The following ALDH1A3 variants were observed in gnomAD, a reference collection of about 807,000 sequenced individuals.
The protein encoded by ALDH1A3 is retinaldehyde dehydrogenase 3.
Under a neutral mutation model 57.5 loss-of-function variants are expected in ALDH1A3, and 28 were observed. The ratio of observed to expected loss-of-function variants is 0.49; its 90% CI spans 0.36 to 0.67. ALDH1A3 has a LOEUF of 0.67. Among genes scored for constraint, ALDH1A3 ranks in the 30% least tolerant of loss-of-function variants. The pLI is 0.00. For missense variants in ALDH1A3, 507 were observed against 669.4 expected, an observed-to-expected ratio of 0.76 and a Z score of 2.68; for synonymous variants, 281 against 264.8, an observed-to-expected ratio of 1.06 and a Z score of -0.59.
At chr15:100,900,273 T>C (rs1420733121) in intron 8 of ALDH1A3, among the ~76,000 whole-genome samples, 2 of 152,210 alleles carry the variant, frequency 1.3e-5, no homozygotes, top group Non-Finnish European at 2.9e-5. Context: ...GGGAGTCCTC[T>C]AGAAAAAGGC....
At position 100,914,684 on chromosome 15, in the gene ALDH1A3, C is replaced by T. The variant is rs767351308; in HGVS notation, c.1467-17C>T. Reference sequence around the variant, plus strand: ...GGATGTACCCATTTTGAATTTTCCTCTTTTCTGTGATCACAGAGGTGAATA... The same window carrying T: ...GGATGTACCCATTTTGAATTTTCCTTTTTTCTGTGATCACAGAGGTGAATA... On this transcript the variant is annotated splice_polypyrimidine_tract_variant and intron_variant, in intron 12 of 12. Coordinates refer to ENST00000329841, the MANE Select transcript of ALDH1A3 (RefSeq NM_000693.4). 2 of 1,613,124 alleles carry T rather than the reference C, an allele frequency of 1.2e-6. No homozygotes were observed. Among genetic ancestry groups the T allele is most frequent in the Non-Finnish European group, 1.7e-6 (2 of 1,179,454 alleles).
Position 100,885,307 on chromosome 15 carries a change from A to G in ALDH1A3, c.140A>G (p.Lys47Arg). The G allele has an allele frequency of 1.9e-6, 3 of 1,614,112 alleles. No homozygotes were observed. The change falls in exon 2 of 13, where the codon AAA (lysine) becomes AGA (arginine). Residue 47 changes from lysine (K) to arginine (R), a missense_variant. This residue lies in a region of ALDH1A3 where 432 missense variants were observed against 608.4 expected (regional missense o/e 0.71). Coordinates refer to ENST00000329841, the MANE Select transcript of ALDH1A3 (RefSeq NM_000693.4). Reference protein sequence around the residue: ...NNEWHESKSGKKFATCNPSTR... With the variant: ...NNEWHESKSGRKFATCNPSTR... ...GAATGGCACGAATCCAAGAGTGGGA[A>G]AAAGTTTGCTACATGTAACCCTTCA...
At chr15:100,883,053 G>T (rs1271536715) in intron 1 of ALDH1A3, among the ~76,000 whole-genome samples, 1 of 151,870 alleles carries the variant, frequency 6.6e-6, no homozygotes, top group Non-Finnish European at 1.5e-5. Context: ...AATTTTTTTT[G>T]GAGGAGCATG....
At chr15:100,914,413 A>G (rs1226616451) in intron 12 of ALDH1A3, 1 of 248,546 alleles carries the variant, frequency 4.0e-6, no homozygotes, top group Non-Finnish European at 7.7e-6. Context: ...TCACCTCTTT[A>G]CTTTTTTTAA....
At chr15:100,890,619 A>T (rs571203719) in intron 3 of ALDH1A3, among the ~76,000 whole-genome samples, 147 of 152,276 alleles carry the variant, frequency 9.7e-4, no homozygotes, top group African/African-American at 3.4e-3. Flanking sequence ...CAGAGATGAG[A>T]AACTGAGGCC....
chr15:100,882,449 C>T (rs983141816), intron 1 of ALDH1A3, among the ~76,000 whole-genome samples: 2 of 152,144 alleles, frequency 1.3e-5, no homozygotes, highest in Non-Finnish European at 2.9e-5. Context: ...TTTAAAACAC[C>T]GGTTTTTATT....
chr15:100,880,332 C>G (rs977517430), intron 1 of ALDH1A3: 4 of 371,864 alleles, frequency 1.1e-5, no homozygotes, highest in African/African-American at 8.4e-5. Context: ...AGTGGAGGTG[C>G]GCGCCGCGTT....
At position 100,885,301 on chromosome 15, in the gene ALDH1A3, G is replaced by T. The variant is rs1385170528; in HGVS notation, c.134G>T (p.Ser45Ile). The change falls in exon 2 of 13, where the codon AGT becomes ATT. Residue 45 changes from serine (S) to isoleucine (I), a missense_variant. Ser to Ile is a moderately radical substitution (Grantham distance 142). Coordinates refer to ENST00000329841, the MANE Select transcript of ALDH1A3 (RefSeq NM_000693.4). Reference sequence around the variant, plus strand: ...AACAATGAATGGCACGAATCCAAGAGTGGGAAAAAGTTTGCTACATGTAAC... The same window carrying T: ...AACAATGAATGGCACGAATCCAAGATTGGGAAAAAGTTTGCTACATGTAAC... ...FINNEWHESK[S>I]GKKFATCNPS... 2 of 1,613,870 alleles carry T rather than the reference G, an allele frequency of 1.2e-6. No individual in the cohort carries two copies. The highest frequency in any genetic ancestry group is 1.7e-6 in the Non-Finnish European group (2 of 1,179,842).
intron 8 of ALDH1A3, among the ~76,000 whole-genome samples, chr15:100,898,632 T>C (rs896483226): frequency 5.3e-5 from 8 of 151,976 alleles, no homozygotes; most frequent in African/African-American, 1.9e-4. Context: ...CCCTGAAGAG[T>C]GGAGGTGCTC....
chr15:100,905,052 G>A (rs1443646637), intron 9 of ALDH1A3, among the ~76,000 whole-genome samples: 1 of 152,170 alleles, frequency 6.6e-6, no homozygotes, highest in Non-Finnish European at 1.5e-5. Flanking sequence ...AACAGTAAAT[G>A]CACTTTTAGC....
In ALDH1A3 at chr15:100,905,667, A is replaced by T; in HGVS notation, c.1213A>T (p.Met405Leu). Residue 405 changes from methionine (M) to leucine (L), a missense_variant, in exon 10 of 13, where the codon ATG becomes TTG. Around this residue, in one of 2 missense-constraint regions of ALDH1A3, gnomAD observed 432 missense variants for 608.4 expected, o/e 0.71. Transcript: ENST00000329841. ...PTVFSEVTDN[M>L]RIAKEEIFGP... ...TGTCTTCTCAGAAGTCACAGACAAC[A>T]TGCGGATTGCCAAAGAGGAGGTACA... The T allele has an allele frequency of 6.3e-7, 1 of 1,590,496 alleles. No individual in the cohort carries two copies. Among genetic ancestry groups the T allele is most frequent in the Non-Finnish European group, 8.6e-7 (1 of 1,167,910 alleles).
In ALDH1A3 at chr15:100,889,991, G is replaced by A. The variant is rs1281143918; in HGVS notation, c.345+2279G>A. ...CTTGCCGGCTCAGTGGTTTGACAGA[G>A]CTGGGTGTTTATTTCTGTGCTCAGT... On this transcript the variant is annotated intron_variant, in intron 3 of 12. Coordinates refer to ENST00000329841, the MANE Select transcript of ALDH1A3 (RefSeq NM_000693.4). This position sits in a 1 kb window ranked among gnomAD's most constrained non-coding sequence, Gnocchi z 5.1. Among the ~76,000 whole-genome samples the A allele has an allele frequency of 6.6e-6, 1 of 152,206 alleles. No homozygotes were observed. Among genetic ancestry groups the A allele is most frequent in the Non-Finnish European group, 1.5e-5 (1 of 68,038 alleles).
In ALDH1A3 at chr15:100,899,875, T is replaced by C. The variant is rs147822153; in HGVS notation, c.884-700T>C. Among the ~76,000 whole-genome samples the C allele has an allele frequency of 3.5e-3, 528 of 152,306 alleles. 6 individuals are homozygous for C. Among genetic ancestry groups the C allele is most frequent in the African/African-American group, 0.012 (495 of 41,556 alleles). On this transcript the variant is annotated intron_variant, in intron 8 of 12. Transcript: ENST00000329841. Reference sequence around the variant, plus strand: ...TGCCCAGAGCCACTGCCAGCCTCTATGCAAAGGAAAGCTGCATTTCTTAAG... The same window carrying C: ...TGCCCAGAGCCACTGCCAGCCTCTACGCAAAGGAAAGCTGCATTTCTTAAG...
chr15:100,894,078 A>T lies in ALDH1A3; in HGVS notation c.662A>T (p.Lys221Ile). 6.2e-7 allele frequency: 1 copy of T among 1,613,968 alleles called. No homozygotes were observed. Among genetic ancestry groups the T allele is most frequent in the Non-Finnish European group, 8.5e-7 (1 of 1,179,956 alleles). The change falls in exon 6 of 13, where the codon AAA becomes ATA. Residue 221 changes from lysine (K) to isoleucine (I), a missense_variant. Transcript: ENST00000329841. This position sits in a 1 kb window ranked among gnomAD's most constrained non-coding sequence, Gnocchi z 4.5. ...GCCCTTTATCTCGGCTCTCTGATCA[A>T]AGAGGTGAGACATCCAAAAAGAAAA... is the stretch of plus-strand genomic sequence containing the variant. The part of the protein sequence containing the change: ...LTALYLGSLI[K>I]EAGFPPGVVN...
Position 100,898,144 on chromosome 15 carries a change from T to C in ALDH1A3, c.842T>C (p.Leu281Pro), listed in dbSNP as rs1422581541. ...AATCTGAAGCGGGTGACGCTGGAGCTGGGGGGGAAGAACCCCTGCATCGTG... is the reference window on the plus strand; with the variant it reads ...AATCTGAAGCGGGTGACGCTGGAGCCGGGGGGGAAGAACCCCTGCATCGTG... ...RSNLKRVTLE[L>P]GGKNPCIVCA... Residue 281 changes from leucine to proline, a missense_variant, in exon 8 of 13, where the codon CTG becomes CCG. Physicochemically the swap from Leu to Pro is moderately conservative, Grantham distance 98. This residue lies in a region of ALDH1A3 where 432 missense variants were observed against 608.4 expected (regional missense o/e 0.71). Coordinates refer to ENST00000329841, the MANE Select transcript of ALDH1A3 (RefSeq NM_000693.4). 6.2e-7 allele frequency: 1 copy of C among 1,613,816 alleles called. No individual in the cohort carries two copies. Among genetic ancestry groups the C allele is most frequent in the African/African-American group, 1.3e-5 (1 of 74,928 alleles).
At position 100,893,509 on chromosome 15, in the gene ALDH1A3, G is replaced by C. The variant is rs2041672225; in HGVS notation, c.538-445G>C. 1.2e-5 allele frequency: 2 copies of C among 170,196 alleles called. No homozygotes were observed. The highest frequency in any genetic ancestry group is 2.5e-5 in the Non-Finnish European group (2 of 79,378). The allele number at this position is 170,196 out of a possible 1,614,324, so 10.5% of individuals were successfully genotyped here. A position where few individuals can be genotyped will look rare whatever the true frequency, so the allele number is the denominator to read the frequency against. On this transcript the variant is annotated intron_variant, in intron 5 of 12. Transcript: ENST00000329841. The surrounding 1 kb of genome is among the most constrained non-coding windows in gnomAD (Gnocchi z 4.8). ...AGCAGCTTTGGCTGCTAAGGGGCCG[G>C]GACTTTATTCATTGGGCGGTGGGGA...
At chr15:100,892,099 A>G (rs1281869921) in intron 3 of ALDH1A3, 2 of 179,716 alleles carry the variant, frequency 1.1e-5, no homozygotes, top group Non-Finnish European at 2.3e-5. Context: ...CCCCAGAGCC[A>G]GCTAACCTTC....
chr15:100,902,247 G>A (rs2041777681), intron 9 of ALDH1A3, among the ~76,000 whole-genome samples: 1 of 152,196 alleles, frequency 6.6e-6, no homozygotes. Context: ...TTTCTTCCAA[G>A]AGAACAGATA....
chr15:100,911,042 C>G (rs747892596), intron 12 of ALDH1A3, among the ~76,000 whole-genome samples: 12 of 152,264 alleles, frequency 7.9e-5, no homozygotes, highest in Non-Finnish European at 1.5e-4. Context: ...TGCCAGTTAG[C>G]CTCCATCGGG....
Sources: allele counts gnomAD v4.1 joint callset (sites outside exome capture counted in the v4.1 genomes callset), GRCh38; gene constraint gnomAD v4.1.1; regional missense constraint gnomAD v4.1.1; non-coding constraint Gnocchi (gnomAD v3.1); transcripts MANE v1.5; gene names NCBI Gene and HGNC (gene_info 2026-07-23, HGNC 2026-07-21).